Variants in PLCG1 observed in about 807,000 individuals in gnomAD.
PLCG1 encodes the protein phospholipase C gamma 1.
In PLCG1, 71 loss-of-function variants were observed where a neutral mutation model predicts 177.8. The ratio of observed to expected loss-of-function variants is 0.40; its 90% confidence interval spans 0.33 to 0.49. The LOEUF (loss-of-function observed/expected upper bound fraction) is 0.49. Among genes scored for constraint, PLCG1 ranks in the 20% least tolerant of loss-of-function variants. The probability of loss-of-function intolerance (pLI) is 0.72; values close to 1 mark genes in which losing one functional copy is unlikely to be tolerated. For missense variants in PLCG1, 1,281 were observed against 1,709.0 expected (o/e 0.75, Z 4.42); for synonymous variants, 658 against 647.9 (o/e 1.02, Z -0.24).
At chr20:41,171,774 C>T (rs2035907881) in intron 24 of PLCG1, among the ~76,000 whole-genome samples, 1 of 152,022 alleles carries the variant, frequency 6.6e-6, no homozygotes, top group Non-Finnish European at 1.5e-5. Flanking sequence ...GGAAACCAAG[C>T]CAGGGGCCTG....
rs760177337 is a variant in PLCG1, at chr20:41,169,030, T to A, written c.2484-49T>A. On this transcript the variant is annotated intron_variant, in intron 21 of 31. Coordinates refer to ENST00000685551, the MANE Select transcript of PLCG1 (RefSeq NM_002660.3). ...CCCCTACCAAAGGATACCCTCCTCATGGGAGTTCGGGGTGGTTGCTGGAGG... is the reference window on the plus strand; with the variant it reads ...CCCCTACCAAAGGATACCCTCCTCAAGGGAGTTCGGGGTGGTTGCTGGAGG... The A allele has an allele frequency of 2.1e-6, 3 of 1,441,862 alleles. No homozygotes were observed. In the East Asian group the frequency reaches 6.8e-5, roughly 33 times the overall value. The allele number at this position is 1,441,862 out of a possible 1,614,324, so 89.3% of individuals were successfully genotyped here.
rs6102292 is a variant in PLCG1 at position 41,156,994 on chromosome 20, T to G, written c.218-2612T>G. Among the ~76,000 whole-genome samples the G allele has an allele frequency of 0.051, 7,833 of 152,284 alleles. 677 individuals carry two copies. The highest frequency in any genetic ancestry group is 0.18 in the African/African-American group (7,516 of 41,530). ...GCACAGGATGTGGCTTTCAAGAACC[T>G]AGTAGAGCATCTCACTGTGCTGCCA... is the stretch of plus-strand genomic sequence containing the variant. On this transcript the variant is annotated intron_variant, in intron 1 of 31. Coordinates refer to ENST00000685551, the MANE Select transcript of PLCG1 (RefSeq NM_002660.3). The surrounding 1 kb of genome is among the most constrained non-coding windows in gnomAD (Gnocchi z 5.0).
intron 23 of PLCG1, 29 bp from the exon 24 acceptor site, chr20:41,170,083 C>A: frequency 6.3e-7 from 1 of 1,584,818 alleles, no homozygotes; most frequent in Non-Finnish European, 8.6e-7. Flanking sequence ...ATGTCTATTC[C>A]CAGCTGTTAT....
chr20:41,172,648 G>A lies in PLCG1; in HGVS notation c.3130+3G>A. The A allele has an allele frequency of 6.2e-7, 1 of 1,613,696 alleles. No homozygotes were observed. The highest frequency in any genetic ancestry group is 8.5e-7 in the Non-Finnish European group (1 of 1,179,684). ...GGCCCTCAACTTCCAGACCCCTGGT[G>A]AGGAAGTCCCCTGTGAGGAGGGTGA... is the stretch of plus-strand genomic sequence containing the variant. On this transcript the variant is annotated splice_donor_region_variant and intron_variant, in intron 26 of 31. Coordinates refer to ENST00000685551, the MANE Select transcript of PLCG1 (RefSeq NM_002660.3). This position sits in a 1 kb window ranked among gnomAD's most constrained non-coding sequence, Gnocchi z 7.0.
chr20:41,163,350 T>C lies in PLCG1; in HGVS notation c.790-28T>C. 1 of 1,604,132 alleles carries C rather than the reference T, an allele frequency of 6.2e-7. No homozygotes were observed. Among genetic ancestry groups the C allele is most frequent in the Non-Finnish European group, 8.5e-7 (1 of 1,171,436 alleles). On this transcript the variant is annotated intron_variant, in intron 8 of 31. Coordinates refer to ENST00000685551, the MANE Select transcript of PLCG1 (RefSeq NM_002660.3). This position sits in a 1 kb window ranked among gnomAD's most constrained non-coding sequence, Gnocchi z 5.2. ...GCTCATCCCTGACTGGAGGCTTCTCTCATCCCCTGCCCTCCCTACCCCATC... is the reference window on the plus strand; with the variant it reads ...GCTCATCCCTGACTGGAGGCTTCTCCCATCCCCTGCCCTCCCTACCCCATC...
chr20:41,171,434 A>C (rs1035385548), intron 24 of PLCG1, among the ~76,000 whole-genome samples: 6 of 152,018 alleles, frequency 3.9e-5, no homozygotes, highest in African/African-American at 1.5e-4. Flanking sequence ...TGAAAATACA[A>C]AAATTAGCCG....
Position 41,172,292 on chromosome 20 carries a change from A to AAGGGCC in PLCG1, c.2905+10_2905+15dup. The AAGGGCC allele has an allele frequency of 6.2e-7, 1 of 1,611,828 alleles. No homozygotes were observed. Among genetic ancestry groups the AAGGGCC allele is most frequent in the Non-Finnish European group, 8.5e-7 (1 of 1,177,862 alleles). On this transcript the variant is annotated splice_donor_region_variant and intron_variant, in intron 25 of 31. Transcript: ENST00000685551. This position sits in a 1 kb window ranked among gnomAD's most constrained non-coding sequence, Gnocchi z 7.0. Reference sequence around the variant, plus strand: ...GCCTGTTCCCTTTGATGAAGAGAGTAAGGGCCAGGGCCCAGGCGGGGTGTG... The same window carrying AAGGGCC: ...GCCTGTTCCCTTTGATGAAGAGAGTAAGGGCCAGGGCCAGGGCCCAGGCGGGGTGTG...
intron 1 of PLCG1, among the ~76,000 whole-genome samples, chr20:41,139,928 G>A (rs1197626919): frequency 3.3e-5 from 5 of 152,210 alleles, no homozygotes; most frequent in African/African-American, 7.2e-5. Flanking sequence ...CAGTGTTTCT[G>A]TAGAGAAAGT....
rs182921698 is a variant in PLCG1, at chr20:41,144,975, G to C, written c.217+7117G>C. The stretch of plus-strand genomic sequence containing the variant: ...GCATTTGCTAACTGTGCCAAGCACT[G>C]TGGAGACCAGTAGTGGACATAAGGT... On this transcript the variant is annotated intron_variant, in intron 1 of 31. Coordinates refer to ENST00000685551, the MANE Select transcript of PLCG1 (RefSeq NM_002660.3). The surrounding 1 kb of genome is among the most constrained non-coding windows in gnomAD (Gnocchi z 4.1). Among the ~76,000 whole-genome samples the C allele has an allele frequency of 8.0e-4, 122 of 152,294 alleles. 1 individual carries two copies. Among genetic ancestry groups the C allele is most frequent in the Non-Finnish European group, 1.2e-3 (81 of 68,022 alleles).
chr20:41,162,566 G>T, intron 5 of PLCG1, 30 bp downstream of exon 5: 1 of 1,610,318 alleles, frequency 6.2e-7, no homozygotes, highest in Non-Finnish European at 8.5e-7. Flanking sequence ...GTCTGTAGAT[G>T]GGGGCAGGGG....
chr20:41,168,536 C>T (rs2035780626), intron 20 of PLCG1, among the ~76,000 whole-genome samples: 2 of 152,222 alleles, frequency 1.3e-5, no homozygotes, highest in African/African-American at 2.4e-5. Context: ...ACCTGGGTCC[C>T]GAGGTATTTC....
chr20:41,172,755 C>T lies in PLCG1; in HGVS notation c.3157C>T (p.Leu1053Phe). The change falls in exon 27 of 32, where the codon CTC (leucine) becomes TTC (phenylalanine). Residue 1053 changes from leucine (L) to phenylalanine (F), a missense_variant. By Grantham distance (22) the Leu-to-Phe change is conservative. Coordinates refer to ENST00000685551, the MANE Select transcript of PLCG1 (RefSeq NM_002660.3). The surrounding 1 kb of genome is among the most constrained non-coding windows in gnomAD (Gnocchi z 7.0). ...PDKPMQMNQA[L>F]FMTGRHCGYV... ...CAAGCCTATGCAGATGAACCAGGCCCTCTTCATGACGGGCAGGCACTGTGG... is the reference window on the plus strand; with the variant it reads ...CAAGCCTATGCAGATGAACCAGGCCTTCTTCATGACGGGCAGGCACTGTGG... 1 of 1,614,156 alleles carries T rather than the reference C, an allele frequency of 6.2e-7. No homozygotes were observed. Among genetic ancestry groups the T allele is most frequent in the Non-Finnish European group, 8.5e-7 (1 of 1,180,032 alleles).
In PLCG1 at chr20:41,167,474, G is replaced by C. The variant is rs1343918663; in HGVS notation, c.2302-378G>C. ...GGAGAGGAGCGGCAGGAGGAATGTG[G>C]GGAGTGGGAAGGCTTTTCCTGACTT... On this transcript the variant is annotated intron_variant, in intron 19 of 31. Coordinates refer to ENST00000685551, the MANE Select transcript of PLCG1 (RefSeq NM_002660.3). This position sits in a 1 kb window ranked among gnomAD's most constrained non-coding sequence, Gnocchi z 4.4. 6.6e-6 allele frequency among the ~76,000 whole-genome samples: 1 copy of C among 152,122 alleles called. No homozygotes were observed. Among genetic ancestry groups the C allele is most frequent in the Non-Finnish European group, 1.5e-5 (1 of 68,010 alleles).
chr20:41,174,953 C>T lies in PLCG1; in HGVS notation c.*444C>T, dbSNP rs2036017651. On this transcript the variant is annotated 3_prime_UTR_variant, in exon 32 of 32. Transcript: ENST00000685551. This position sits in a 1 kb window ranked among gnomAD's most constrained non-coding sequence, Gnocchi z 5.8. ...TTTACATTGTCCTGTAGCTTTAAAA[C>T]CACAGCTGGGCAGGGTGAGAAGCTA... 5.7e-6 allele frequency: 1 copy of T among 174,494 alleles called. No individual in the cohort carries two copies. The highest frequency in any genetic ancestry group is 1.2e-5 in the Non-Finnish European group (1 of 81,740). The allele number at this position is 174,494 out of a possible 1,614,324, so 10.8% of individuals were successfully genotyped here.
chr20:41,161,099 G>C (rs778195767), intron 4 of PLCG1, among the ~76,000 whole-genome samples: 30 of 152,090 alleles, frequency 2.0e-4, no homozygotes, highest in Admixed American at 3.3e-4. Context: ...GATCACCTAG[G>C]GGGCAAGCAG....
chr20:41,138,541 G>T (rs2034694871), intron 1 of PLCG1, among the ~76,000 whole-genome samples: 1 of 151,210 alleles, frequency 6.6e-6, no homozygotes, highest in African/African-American at 2.4e-5. Context: ...CTATGTGGGT[G>T]GGCAGACACT....
Position 41,160,031 on chromosome 20 carries a change from C to T in PLCG1, c.464+68C>T. 2.5e-6 allele frequency: 4 copies of T among 1,600,060 alleles called. No homozygotes were observed. The highest frequency in any genetic ancestry group is 2.2e-5 in the East Asian group (1 of 44,776). On this transcript the variant is annotated intron_variant, in intron 3 of 31. Coordinates refer to ENST00000685551, the MANE Select transcript of PLCG1 (RefSeq NM_002660.3). The surrounding 1 kb of genome is among the most constrained non-coding windows in gnomAD (Gnocchi z 5.5). The stretch of plus-strand genomic sequence containing the variant: ...GACCAGGGGGACAGGGACAGCAGAC[C>T]TTTGTGTGCCCAGACATCTCCCAGG...
chr20:41,141,890 G>GTT (rs2034842965), intron 1 of PLCG1, among the ~76,000 whole-genome samples: 1 of 152,230 alleles, frequency 6.6e-6, no homozygotes, highest in Non-Finnish European at 1.5e-5. Flanking sequence ...GTGTGTGTGT[G>GTT]TACACAGATG....
In PLCG1 at chr20:41,163,073, G is replaced by A; in HGVS notation, c.716+81G>A. 1 of 1,527,350 alleles carries A rather than the reference G, an allele frequency of 6.5e-7. No homozygotes were observed. Among genetic ancestry groups the A allele is most frequent in the Non-Finnish European group, 9.1e-7 (1 of 1,101,088 alleles). The allele number at this position is 1,527,350 out of a possible 1,614,324, so 94.6% of individuals were successfully genotyped here. On this transcript the variant is annotated intron_variant, in intron 7 of 31. Transcript: ENST00000685551. This position sits in a 1 kb window ranked among gnomAD's most constrained non-coding sequence, Gnocchi z 5.2. ...TGGGCGATTCTTGATCCAGGTGGGA[G>A]GCAGTGGGAGTAGGGAACCATGCTG...
Sources: allele counts gnomAD v4.1 joint callset (sites outside exome capture counted in the v4.1 genomes callset), GRCh38; gene constraint gnomAD v4.1.1; non-coding constraint Gnocchi (gnomAD v3.1); transcripts MANE v1.5; gene names NCBI Gene and HGNC (gene_info 2026-07-23, HGNC 2026-07-21).